Variants in FALEC observed in about 807,000 individuals in gnomAD.
FALEC encodes the protein focally amplified lncRNA on chromosome 1.
At chr1:150,530,567 G>T in the FALEC span, among the ~76,000 whole-genome samples, 1 of 152,098 alleles carries the variant, frequency 6.6e-6, no homozygotes, top group African/African-American at 2.4e-5. Flanking sequence ...ACTGCCCAGG[G>T]CCCAAATTCA....
At chr1:150,532,460 G>A in the FALEC span, among the ~76,000 whole-genome samples, 17 of 152,276 alleles carry the variant, frequency 1.1e-4, no homozygotes, top group African/African-American at 3.8e-4. Context: ...AAGAGTTTTT[G>A]TTAGATGCTG....
At chr1:150,523,671 T>C in the FALEC span, among the ~76,000 whole-genome samples, 1 of 148,300 alleles carries the variant, frequency 6.7e-6, no homozygotes, top group Non-Finnish European at 1.5e-5. Context: ...AAAAAAAAAA[T>C]TACATGTGTG....
the FALEC span, among the ~76,000 whole-genome samples, chr1:150,531,341 A>T: frequency 6.6e-6 from 1 of 152,088 alleles, no homozygotes; most frequent in African/African-American, 2.4e-5. Context: ...CTAAAAATAT[A>T]AAATTAGCCT....
At chr1:150,522,867 G>GTGTATATATATATACA (rs1560270634), downstream of FALEC, among the ~76,000 whole-genome samples, 95 of 68,082 alleles carry the variant, frequency 1.4e-3, no homozygotes, top group African/African-American at 1.7e-3. Flanking sequence ...ATATATATAC[G>GTGTATATATATATACA]TATATATACA....
At chr1:150,528,492 C>A in the FALEC span, among the ~76,000 whole-genome samples, 1 of 151,534 alleles carries the variant, frequency 6.6e-6, no homozygotes, top group African/African-American at 2.4e-5. Context: ...CTCAGGGAGA[C>A]CTTCCTGAAA....
chr1:150,532,429 AC>A, the FALEC span, among the ~76,000 whole-genome samples: 1 of 152,080 alleles, frequency 6.6e-6, no homozygotes. Context: ...CAGATGAAAT[AC>A]CCCAGGCATA....
the FALEC span, among the ~76,000 whole-genome samples, chr1:150,528,867 G>A: frequency 5.9e-5 from 9 of 151,910 alleles, no homozygotes; most frequent in East Asian, 1.9e-4. Flanking sequence ...GATTACAGGC[G>A]TGAGCCACTG....
downstream of FALEC, among the ~76,000 whole-genome samples, chr1:150,519,576 G>T (rs1432247133): frequency 6.6e-6 from 1 of 151,834 alleles, no homozygotes; most frequent in African/African-American, 2.4e-5. Context: ...CAAAATTAGG[G>T]CCAGGCACGG....
chr1:150,535,742 G>A, the FALEC span, among the ~76,000 whole-genome samples: 20 of 152,300 alleles, frequency 1.3e-4, no homozygotes, highest in Middle Eastern at 3.4e-3. Context: ...GCCTGTAAAC[G>A]CTCTGCCTGG....
downstream of FALEC, among the ~76,000 whole-genome samples, chr1:150,522,943 GTGTGTGTATATATATATA>G (rs1560270800): frequency 2.6e-4 from 1 of 3,802 alleles, no homozygotes; most frequent in Non-Finnish European, 4.9e-4. Context: ...ATGTGTGTGT[GTGTGTGTATATATATATA>G]TATATATATA....
downstream of FALEC, among the ~76,000 whole-genome samples, chr1:150,519,891 G>T (rs940564009): frequency 1.4e-4 from 22 of 152,054 alleles, no homozygotes; most frequent in Middle Eastern, 3.4e-3. Context: ...AGTGGCTCAT[G>T]CCTGTAATCC....
the FALEC span, among the ~76,000 whole-genome samples, chr1:150,535,659 C>T: frequency 3.9e-5 from 6 of 152,234 alleles, no homozygotes; most frequent in Non-Finnish European, 8.8e-5. Context: ...TTCATTTAAA[C>T]TCCACAGAAC....
At chr1:150,529,016 C>CAAAAAAAAAAAAAAAAAAAAAAAAAA in the FALEC span, among the ~76,000 whole-genome samples, 47 of 59,282 alleles carry the variant, frequency 7.9e-4, 6 homozygotes, top group South Asian at 1.3e-3. Context: ...AAATAAATAG[C>CAAAAAAAAAAAAAAAAAAAAAAAAAA]AAAAAAAAAA....
intron 1 of FALEC, among the ~76,000 whole-genome samples, chr1:150,516,671 A>G (rs1190702519): frequency 6.6e-6 from 1 of 152,242 alleles, no homozygotes; most frequent in African/African-American, 2.4e-5. Context: ...CGGTGAGTAA[A>G]GTAAAGGAGT....
At chr1:150,525,228 A>G in the FALEC span, among the ~76,000 whole-genome samples, 2 of 152,300 alleles carry the variant, frequency 1.3e-5, no homozygotes, top group African/African-American at 2.4e-5. Context: ...CGGAGCTTGC[A>G]GTGAGCTGAG....
chr1:150,527,181 T>G, the FALEC span, among the ~76,000 whole-genome samples: 2 of 151,698 alleles, frequency 1.3e-5, no homozygotes, highest in Non-Finnish European at 2.9e-5. Context: ...CCTCAGGTGA[T>G]CAGCCTGGCT....
At chr1:150,528,668 G>A in the FALEC span, among the ~76,000 whole-genome samples, 5 of 150,144 alleles carry the variant, frequency 3.3e-5, no homozygotes, top group East Asian at 5.9e-4. Flanking sequence ...TGCAAGCTCC[G>A]CCTCCCAGGT....
chr1:150,519,843 ACT>A (rs1003691527), downstream of FALEC, among the ~76,000 whole-genome samples: 2 of 148,450 alleles, frequency 1.3e-5, no homozygotes, highest in African/African-American at 2.5e-5. Context: ...CAAGAGCGAA[ACT>A]CTGTCTCAAA....
At chr1:150,525,032 C>G in the FALEC span, among the ~76,000 whole-genome samples, 1 of 149,374 alleles carries the variant, frequency 6.7e-6, no homozygotes, top group East Asian at 2.0e-4. Context: ...TGCAGTGGCT[C>G]ACGCCTGTAA....
Sources: allele counts gnomAD v4.1 joint callset (sites outside exome capture counted in the v4.1 genomes callset), GRCh38; gene constraint gnomAD v4.1.1; transcripts MANE v1.5; gene names NCBI Gene and HGNC (gene_info 2026-07-23, HGNC 2026-07-21).